Variants in LRRIQ1 observed in about 807,000 individuals in gnomAD.
The protein encoded by LRRIQ1 is leucine-rich repeat- and IQ domain-containing protein 1.
A neutral mutation model predicts 211.9 loss-of-function variants in LRRIQ1; 210 were observed. That is an observed-to-expected ratio of 0.99 (90% CI 0.89 to 1.11). The LOEUF (loss-of-function observed/expected upper bound fraction) is 1.11, where lower values mean the gene tolerates loss of function less well. LRRIQ1 is among the 50% of genes most tolerant of loss of function. The pLI, the probability that LRRIQ1 is intolerant of heterozygous loss-of-function variation, is 0.00. For synonymous variants in LRRIQ1, 699 were observed against 650.1 expected (o/e 1.08, Z -1.14); for missense variants, 2,136 against 1,939.5 (o/e 1.10, Z -1.90).
chr12:85,236,136 T>A (rs868774511), intron 26 of LRRIQ1, among the ~76,000 whole-genome samples: 1 of 151,928 alleles, frequency 6.6e-6, no homozygotes, highest in Non-Finnish European at 1.5e-5. Flanking sequence ...GGTTCAAAGA[T>A]CCAAATATGA....
intron 11 of LRRIQ1, among the ~76,000 whole-genome samples, chr12:85,097,213 T>C (rs1180312230): frequency 6.6e-6 from 1 of 152,142 alleles, no homozygotes; most frequent in Admixed American, 6.6e-5. Context: ...TGAGGTTTAA[T>C]TGACTCACCT....
At chr12:85,200,295 A>G (rs191766490) in intron 24 of LRRIQ1, among the ~76,000 whole-genome samples, 2 of 152,206 alleles carry the variant, frequency 1.3e-5, no homozygotes, top group Admixed American at 1.3e-4. Flanking sequence ...TAGGAATGCT[A>G]CTGAATTTTG....
intron 11 of LRRIQ1, among the ~76,000 whole-genome samples, chr12:85,094,845 T>C (rs1565826977): frequency 6.6e-6 from 1 of 152,040 alleles, no homozygotes; most frequent in Non-Finnish European, 1.5e-5. Context: ...GATATATTGC[T>C]AGGTGTGTAC....
chr12:85,191,468 G>A (rs567664792), intron 24 of LRRIQ1, among the ~76,000 whole-genome samples: 2 of 151,820 alleles, frequency 1.3e-5, no homozygotes, highest in East Asian at 3.9e-4. Context: ...TGCTTTTAAG[G>A]TTCCTCCATG....
At chr12:85,268,658 T>A (rs1896472527), downstream of LRRIQ1, among the ~76,000 whole-genome samples, 1 of 149,788 alleles carries the variant, frequency 6.7e-6, no homozygotes, top group Non-Finnish European at 1.5e-5. Context: ...TATTAACATC[T>A]GTAACTATGT....
intron 15 of LRRIQ1, 90 bp from the exon 16 acceptor site, chr12:85,121,607 G>T: frequency 1.1e-6 from 1 of 891,612 alleles, no homozygotes; most frequent in Non-Finnish European, 1.6e-6. Flanking sequence ...TCCTATGCTT[G>T]TATTATTTAA....
intron 24 of LRRIQ1, among the ~76,000 whole-genome samples, chr12:85,193,968 A>G (rs1432680652): frequency 5.4e-5 from 8 of 147,094 alleles, no homozygotes; most frequent in South Asian, 2.3e-4. Flanking sequence ...AAATAAAAGG[A>G]TGGAGGAAGA....
At chr12:85,255,927 T>A (rs1290290116) in intron 1 of LRRIQ1, among the ~76,000 whole-genome samples, 1 of 151,754 alleles carries the variant, frequency 6.6e-6, no homozygotes, top group East Asian at 1.9e-4. Flanking sequence ...AGTGGACTCA[T>A]GTAATATGGA....
intron 18 of LRRIQ1, among the ~76,000 whole-genome samples, chr12:85,133,615 G>T (rs556434576): frequency 1.3e-5 from 2 of 152,244 alleles, no homozygotes; most frequent in South Asian, 2.1e-4. Context: ...ACTGGGGGTA[G>T]ACGGAGTGGA....
chr12:85,071,148 A>G (rs1401587421), intron 10 of LRRIQ1, among the ~76,000 whole-genome samples: 1 of 151,960 alleles, frequency 6.6e-6, no homozygotes, highest in Non-Finnish European at 1.5e-5. Flanking sequence ...GCATTAGTCC[A>G]TCCTTTTCAC....
intron 24 of LRRIQ1, among the ~76,000 whole-genome samples, chr12:85,204,923 G>C (rs1171820284): frequency 6.6e-6 from 1 of 152,134 alleles, no homozygotes; most frequent in African/African-American, 2.4e-5. Context: ...TTTGGCAGGG[G>C]CTGGGGTGGA....
exon 2 of LRRIQ1, chr12:85,263,126 G>T (rs1896345684): frequency 3.3e-6 from 3 of 918,452 alleles, no homozygotes; most frequent in East Asian, 1.2e-4. Flanking sequence ...ATCTAGTCAT[G>T]TTACCAACTG....
chr12:85,254,141 T>C (rs1347739061), intron 1 of LRRIQ1, among the ~76,000 whole-genome samples: 2 of 151,946 alleles, frequency 1.3e-5, no homozygotes, highest in East Asian at 3.9e-4. Flanking sequence ...ACGTGTCTGC[T>C]CCCCCTTTAC....
chr12:85,205,329 A>G (rs1481705140), intron 24 of LRRIQ1, among the ~76,000 whole-genome samples: 1 of 152,184 alleles, frequency 6.6e-6, no homozygotes, highest in Non-Finnish European at 1.5e-5. Flanking sequence ...TGCTTGTCTG[A>G]AAAATATTTT....
chr12:85,197,014 G>A (rs1203082452), intron 24 of LRRIQ1, among the ~76,000 whole-genome samples: 24 of 150,728 alleles, frequency 1.6e-4, no homozygotes, highest in Admixed American at 4.0e-4. Context: ...AAAAGTGGGC[G>A]AAGGACATGA....
At chr12:85,074,100 C>A (rs201641455) in intron 11 of LRRIQ1, among the ~76,000 whole-genome samples, 2 of 151,800 alleles carry the variant, frequency 1.3e-5, no homozygotes, top group East Asian at 1.9e-4. Context: ...TAACTGTATT[C>A]TTTTTATTAG....
Position 85,066,906 on chromosome 12 carries a change from C to T in LRRIQ1, c.2695+8C>T, listed in dbSNP as rs761160872. 5 of 1,384,344 alleles carry T rather than the reference C, an allele frequency of 3.6e-6. No individual in the cohort carries two copies. Among genetic ancestry groups the T allele is most frequent in the Non-Finnish European group, 3.9e-6 (4 of 1,024,672 alleles). 85.8% of individuals were successfully genotyped at this position (1,384,344 alleles called of 1,614,324 possible). A position where few individuals can be genotyped will look rare whatever the true frequency, so the allele number is the denominator to read the frequency against. ...ATAAAATTACTCGAATTGGTAAGAA[C>T]AATGAAATTTTAATATTTAAAGATA... On this transcript the variant is annotated splice_region_variant and intron_variant, in intron 10 of 26. Transcript: ENST00000393217.
rs562225836 is a variant in LRRIQ1, at chr12:85,110,900, T to A, written c.3377+4285T>A. ...AGTGGTCAGAGAATAGACGAAGTACTCTCTCTATATATTACTTTATTTCAC... is the reference window on the plus strand; with the variant it reads ...AGTGGTCAGAGAATAGACGAAGTACACTCTCTATATATTACTTTATTTCAC... On this transcript the variant is annotated intron_variant, in intron 15 of 26. Coordinates refer to ENST00000393217, the MANE Select transcript of LRRIQ1 (RefSeq NM_001079910.2). Among the ~76,000 whole-genome samples, 16 of 152,212 alleles carry A rather than the reference T, an allele frequency of 1.1e-4. No individual in the cohort carries two copies. In the South Asian group the frequency reaches 3.1e-3, roughly 30 times the overall value.
intron 24 of LRRIQ1, among the ~76,000 whole-genome samples, chr12:85,188,909 T>G (rs1892355890): frequency 6.6e-6 from 1 of 152,104 alleles, no homozygotes; most frequent in Non-Finnish European, 1.5e-5. Context: ...TCATAGGAAT[T>G]ATGATCCGCA....
Sources: gnomAD v4.1 joint callset for allele counts (sites outside exome capture counted in the v4.1 genomes callset) on GRCh38, gnomAD v4.1.1 for gene constraint, MANE v1.5 for transcripts, NCBI Gene and HGNC (gene_info 2026-07-23, HGNC 2026-07-21) for gene names.